SCAPER: variants seen among roughly 807,000 people sequenced by gnomAD.
The protein encoded by SCAPER is S phase cyclin A-associated protein in the endoplasmic reticulum.
SCAPER carries 98 observed loss-of-function variants against 182.2 expected under a neutral mutation model. That is an observed-to-expected ratio of 0.54 (90% CI 0.46 to 0.64). SCAPER has a LOEUF of 0.64. SCAPER is among the 30% of genes least tolerant of loss of function. The pLI, the probability that SCAPER is intolerant of heterozygous loss-of-function variation, is 0.00. For synonymous variants in SCAPER, 605 were observed against 564.6 expected, an observed-to-expected ratio of 1.07 and a Z score of -1.01; for missense variants, 1,432 against 1,690.0, an observed-to-expected ratio of 0.85 and a Z score of 2.68.
chr15:76,585,171 A>G (rs959652321), intron 22 of SCAPER, among the ~76,000 whole-genome samples: 9 of 152,252 alleles, frequency 5.9e-5, no homozygotes, highest in African/African-American at 2.2e-4. Context: ...AAGTCAGGAT[A>G]ATATATATTT....
Position 76,511,883 on chromosome 15 carries a change from A to T in SCAPER, c.2839-6909T>A, listed in dbSNP as rs868457680. On this transcript the variant is annotated intron_variant, in intron 23 of 31. Transcript: ENST00000563290. ...TGTGTGTGTGTGTGTATATATATAT[A>T]TATTTTTTTTTTTTTTTGAGATGGA... Among the ~76,000 whole-genome samples the T allele has an allele frequency of 7.0e-3, 784 of 112,016 alleles. 7 individuals carry two copies. Among genetic ancestry groups the T allele is most frequent in the African/African-American group, 0.014 (417 of 29,124 alleles). The allele number at this position is 112,016 out of a possible 152,430, so 73.5% of individuals were successfully genotyped here. A position where few individuals can be genotyped will look rare whatever the true frequency, so the allele number is the denominator to read the frequency against.
rs377450714 is a variant in SCAPER, at chr15:76,360,595, A to C, written c.3856-6455T>G. Among the ~76,000 whole-genome samples the C allele has an allele frequency of 5.4e-3, 823 of 152,374 alleles. 13 individuals are homozygous for C. The highest frequency in any genetic ancestry group is 0.019 in the African/African-American group (783 of 41,592). On this transcript the variant is annotated intron_variant, in intron 29 of 31. Transcript: ENST00000563290. ...GACTGGCTGCCAGCCAGCTTCTTGC[A>C]TGGCTCTGCCAGCCCGGATGAAGAT...
intron 15 of SCAPER, among the ~76,000 whole-genome samples, chr15:76,739,553 G>A (rs944158986): frequency 3.9e-5 from 6 of 152,116 alleles, no homozygotes; most frequent in African/African-American, 7.2e-5. Context: ...TAGCATATAC[G>A]GCATGGATAT....
chr15:76,788,171 A>C (rs541148398), intron 8 of SCAPER, among the ~76,000 whole-genome samples: 1 of 152,346 alleles, frequency 6.6e-6, no homozygotes, highest in East Asian at 1.9e-4. Context: ...TAACACCAAA[A>C]CACCACACGG....
chr15:76,504,701 T>C (rs1462070356), intron 24 of SCAPER, among the ~76,000 whole-genome samples, 158 bp downstream of exon 24: 1 of 152,204 alleles, frequency 6.6e-6, no homozygotes. Flanking sequence ...GTAAGTGACG[T>C]TGAGCACCTC....
At chr15:76,842,128 A>C (rs1599036583) in intron 4 of SCAPER, among the ~76,000 whole-genome samples, 197 bp from the exon 5 acceptor site, 1 of 152,344 alleles carries the variant, frequency 6.6e-6, no homozygotes, top group East Asian at 1.9e-4. Flanking sequence ...TAACATTTAC[A>C]TTGCATTAGG....
chr15:76,827,399 C>G (rs1227053470), intron 5 of SCAPER, among the ~76,000 whole-genome samples: 1 of 152,150 alleles, frequency 6.6e-6, no homozygotes, highest in Non-Finnish European at 1.5e-5. Flanking sequence ...ATACAGGCAG[C>G]TTAGCACTAA....
chr15:76,478,306 C>T (rs2050823332), intron 24 of SCAPER, among the ~76,000 whole-genome samples: 1 of 151,958 alleles, frequency 6.6e-6, no homozygotes, highest in Non-Finnish European at 1.5e-5. Context: ...ATAAATATGA[C>T]AAATGGTTAA....
intron 5 of SCAPER, among the ~76,000 whole-genome samples, chr15:76,825,492 C>T (rs1386775620): frequency 2.0e-5 from 3 of 152,122 alleles, no homozygotes; most frequent in Non-Finnish European, 2.9e-5. Flanking sequence ...CTCTTTCAAA[C>T]CATATTTGTC....
At chr15:76,466,379 T>A (rs1261779745) in intron 25 of SCAPER, among the ~76,000 whole-genome samples, 1 of 150,914 alleles carries the variant, frequency 6.6e-6, no homozygotes, top group African/African-American at 2.4e-5. Flanking sequence ...TTTTTCAGTG[T>A]AGCTATTGTA....
intron 21 of SCAPER, among the ~76,000 whole-genome samples, chr15:76,623,274 G>A (rs1177823017): frequency 1.3e-5 from 2 of 152,058 alleles, no homozygotes; most frequent in African/African-American, 2.4e-5. Context: ...CAGTTTTTGT[G>A]TTTACTACAA....
At chr15:76,577,655 C>G (rs1207964505) in intron 22 of SCAPER, among the ~76,000 whole-genome samples, 2 of 152,068 alleles carry the variant, frequency 1.3e-5, no homozygotes, top group Non-Finnish European at 2.9e-5. Flanking sequence ...GATTTGTCAT[C>G]TGCTGACAAA....
At chr15:76,657,656 C>A (rs2055778802) in intron 21 of SCAPER, among the ~76,000 whole-genome samples, 1 of 148,374 alleles carries the variant, frequency 6.7e-6, no homozygotes, top group Non-Finnish European at 1.5e-5. Flanking sequence ...GACATGCATA[C>A]AAAAATCCTC....
intron 5 of SCAPER, among the ~76,000 whole-genome samples, chr15:76,840,486 T>C (rs2069369525): frequency 6.6e-6 from 1 of 151,588 alleles, no homozygotes; most frequent in African/African-American, 2.4e-5. Context: ...CCACACAACA[T>C]ATATTTAGAT....
intron 22 of SCAPER, among the ~76,000 whole-genome samples, chr15:76,610,224 C>A (rs2050856576): frequency 6.6e-6 from 1 of 152,096 alleles, no homozygotes; most frequent in African/African-American, 2.4e-5. Flanking sequence ...CAAACCCCAG[C>A]TGCATGAGTC....
At chr15:76,379,348 G>A (rs892859503) in intron 28 of SCAPER, among the ~76,000 whole-genome samples, 1 of 152,170 alleles carries the variant, frequency 6.6e-6, no homozygotes, top group South Asian at 2.1e-4. Flanking sequence ...AGTTGCATGA[G>A]AAGAAGGAAG....
chr15:76,581,876 A>C (rs2048298940), intron 22 of SCAPER, among the ~76,000 whole-genome samples: 1 of 152,154 alleles, frequency 6.6e-6, no homozygotes, highest in South Asian at 2.1e-4. Flanking sequence ...GTGAGCCACC[A>C]TGCCTGGCCT....
intron 24 of SCAPER, among the ~76,000 whole-genome samples, chr15:76,490,947 T>C (rs961401200): frequency 2.6e-5 from 4 of 152,210 alleles, no homozygotes; most frequent in Non-Finnish European, 5.9e-5. Context: ...GCTGACTCCA[T>C]CTGACTTGGT....
intron 15 of SCAPER, among the ~76,000 whole-genome samples, chr15:76,745,776 T>C (rs1305188854): frequency 6.6e-6 from 1 of 152,178 alleles, no homozygotes; most frequent in Admixed American, 6.5e-5. Flanking sequence ...CAAGTCAAAA[T>C]GTATGTAAGT....
Sources: gnomAD v4.1 joint callset for allele counts (sites outside exome capture counted in the v4.1 genomes callset) on GRCh38, gnomAD v4.1.1 for gene constraint, MANE v1.5 for transcripts, NCBI Gene and HGNC (gene_info 2026-07-23, HGNC 2026-07-21) for gene names.